Variants in KLF12 observed in about 807,000 individuals in gnomAD.
KLF12 encodes KLF transcription factor 12.
A neutral mutation model predicts 37.8 loss-of-function variants in KLF12; 9 were observed. The ratio of observed to expected loss-of-function variants is 0.24; its 90% CI spans 0.14 to 0.42. The LOEUF (loss-of-function observed/expected upper bound fraction) is 0.42. KLF12 is among the 10% of genes least tolerant of loss of function. The pLI is 1.00. For synonymous variants in KLF12, 208 were observed against 202.1 expected (o/e 1.03, Z -0.25); for missense variants, 411 against 516.0 (o/e 0.80, Z 1.97).
the KLF12 span, among the ~76,000 whole-genome samples, chr13:74,158,420 C>T: frequency 6.6e-6 from 1 of 152,116 alleles, no homozygotes; most frequent in Non-Finnish European, 1.5e-5. Context: ...AATTCATGGC[C>T]TGGGATTAGG....
At chr13:74,141,105 C>A in the KLF12 span, among the ~76,000 whole-genome samples, 9 of 151,666 alleles carry the variant, frequency 5.9e-5, no homozygotes, top group African/African-American at 1.7e-4. Context: ...GGGAGTATAG[C>A]TCAGGGGTAT....
At chr13:74,301,900 C>A in the KLF12 span, among the ~76,000 whole-genome samples, 1 of 152,246 alleles carries the variant, frequency 6.6e-6, no homozygotes. Flanking sequence ...AGCACCCTCT[C>A]CCGTGTTACA....
At chr13:73,697,590 A>G (rs897439589) in intron 7 of KLF12, among the ~76,000 whole-genome samples, 3 of 152,180 alleles carry the variant, frequency 2.0e-5, no homozygotes, top group Non-Finnish European at 2.9e-5. Flanking sequence ...TCATCTCTAC[A>G]TGTTTTTGAA....
chr13:73,878,358 C>T (rs989531796), intron 3 of KLF12, among the ~76,000 whole-genome samples: 2 of 152,118 alleles, frequency 1.3e-5, no homozygotes, highest in Non-Finnish European at 2.9e-5. Context: ...AAAATCTAAC[C>T]TTAAAAATTC....
At chr13:74,269,084 A>G in the KLF12 span, among the ~76,000 whole-genome samples, 1 of 152,214 alleles carries the variant, frequency 6.6e-6, no homozygotes, top group African/African-American at 2.4e-5. Flanking sequence ...GACTTTAGTC[A>G]TATACAGCAG....
rs556402599 is a variant in KLF12 at position 73,770,671 on chromosome 13, C to T, written c.807-5671G>A. Among the ~76,000 whole-genome samples the T allele has an allele frequency of 3.0e-3, 450 of 151,796 alleles. 3 individuals carry two copies. Among genetic ancestry groups the T allele is most frequent in the African/African-American group, 9.9e-3 (408 of 41,384 alleles). The stretch of plus-strand genomic sequence containing the variant: ...CTGAGTAGCTGGGATTACAGGCATG[C>T]GCCACCTGTAATGGCTAATTTTTGT... On this transcript the variant is annotated intron_variant, in intron 5 of 7. Transcript: ENST00000377669.
At chr13:74,277,459 T>C in the KLF12 span, among the ~76,000 whole-genome samples, 2 of 152,288 alleles carry the variant, frequency 1.3e-5, no homozygotes, top group African/African-American at 4.8e-5. Context: ...TCAGTAAGTG[T>C]TTAATGCCAT....
chr13:73,947,075 C>A (rs1890458056), intron 2 of KLF12, among the ~76,000 whole-genome samples: 1 of 152,156 alleles, frequency 6.6e-6, no homozygotes, highest in Non-Finnish European at 1.5e-5. Flanking sequence ...TGATCTTAAT[C>A]AAAACACATT....
chr13:74,230,075 C>T, the KLF12 span, among the ~76,000 whole-genome samples: 1 of 152,174 alleles, frequency 6.6e-6, no homozygotes, highest in Admixed American at 6.5e-5. Flanking sequence ...GTGTCCCCAC[C>T]CAAATCTCAT....
intron 3 of KLF12, among the ~76,000 whole-genome samples, chr13:73,879,813 C>T (rs1566434741): frequency 6.6e-6 from 1 of 152,138 alleles, no homozygotes; most frequent in African/African-American, 2.4e-5. Context: ...TTTGCATATC[C>T]CCCTCCAGCT....
At chr13:73,703,634 T>C (rs1874716357) in intron 7 of KLF12, among the ~76,000 whole-genome samples, 1 of 152,238 alleles carries the variant, frequency 6.6e-6, no homozygotes, top group African/African-American at 2.4e-5. Context: ...TGCTAAAGCA[T>C]ATAGTACTTT....
the KLF12 span, among the ~76,000 whole-genome samples, chr13:74,241,745 C>G: frequency 1.3e-5 from 2 of 151,550 alleles, no homozygotes; most frequent in Non-Finnish European, 2.9e-5. Context: ...TTCTTTGACT[C>G]AGAAAGGGAA....
At chr13:74,021,516 A>G (rs1892841293) in intron 1 of KLF12, among the ~76,000 whole-genome samples, 1 of 152,126 alleles carries the variant, frequency 6.6e-6, no homozygotes, top group Admixed American at 6.5e-5. Context: ...TTGGCAGCAT[A>G]GCATAATAGA....
intron 6 of KLF12, among the ~76,000 whole-genome samples, chr13:73,722,365 A>G (rs1446788296): frequency 6.6e-6 from 1 of 152,218 alleles, no homozygotes; most frequent in East Asian, 1.9e-4. Context: ...TAACCAGCAG[A>G]TGGCTCTCAG....
chr13:73,706,653 CT>C (rs1312475599), intron 7 of KLF12, among the ~76,000 whole-genome samples: 2 of 152,220 alleles, frequency 1.3e-5, no homozygotes, highest in Admixed American at 6.5e-5. Context: ...GCAGGTGATG[CT>C]TGCTGCATCC....
At chr13:73,978,525 G>A (rs1228383294) in intron 2 of KLF12, among the ~76,000 whole-genome samples, 5 of 152,118 alleles carry the variant, frequency 3.3e-5, no homozygotes, top group Admixed American at 3.3e-4. Flanking sequence ...AAATGAAACA[G>A]CCACTTTGGA....
At chr13:73,700,638 A>G (rs1874484324) in intron 7 of KLF12, among the ~76,000 whole-genome samples, 1 of 152,088 alleles carries the variant, frequency 6.6e-6, no homozygotes, top group Non-Finnish European at 1.5e-5. Context: ...AGGCTGAGTT[A>G]TGGGGGTAGG....
intron 1 of KLF12, among the ~76,000 whole-genome samples, chr13:74,132,814 C>A (rs112679104): frequency 1.3e-5 from 2 of 152,176 alleles, no homozygotes; most frequent in Non-Finnish European, 1.5e-5. Flanking sequence ...TGCACCCCAC[C>A]CTTTTCCCCA....
chr13:73,763,671 T>C (rs1879712813), intron 6 of KLF12, among the ~76,000 whole-genome samples: 1 of 152,210 alleles, frequency 6.6e-6, no homozygotes, highest in East Asian at 1.9e-4. Flanking sequence ...CTGGATCTCA[T>C]ACCTGACAAC....
Sources: allele counts gnomAD v4.1 joint callset (sites outside exome capture counted in the v4.1 genomes callset), GRCh38; gene constraint gnomAD v4.1.1; transcripts MANE v1.5; gene names NCBI Gene and HGNC (gene_info 2026-07-23, HGNC 2026-07-21).